SEC23B: variants seen among roughly 807,000 people sequenced by gnomAD.
The protein encoded by SEC23B is protein transport protein Sec23B.
A neutral mutation model predicts 104.3 loss-of-function variants in SEC23B; 77 were observed. The ratio of observed to expected loss-of-function variants is 0.74; its 90% CI spans 0.61 to 0.89. SEC23B has a LOEUF of 0.89. SEC23B is among the 40% of genes least tolerant of loss of function. SEC23B has a pLI of 0.00. For missense variants in SEC23B, 885 were observed against 949.4 expected (o/e 0.93, Z 0.89); for synonymous variants, 338 against 332.5 (o/e 1.02, Z -0.18).
At chr20:18,519,487 G>A (rs1190987679) in intron 4 of SEC23B, among the ~76,000 whole-genome samples, 1 of 152,214 alleles carries the variant, frequency 6.6e-6, no homozygotes, top group Non-Finnish European at 1.5e-5. Context: ...ACGGAGACAT[G>A]ATGGCCAGCC....
At chr20:18,542,010 GT>G (rs2060291581) in intron 12 of SEC23B, among the ~76,000 whole-genome samples, 6 of 152,072 alleles carry the variant, frequency 3.9e-5, no homozygotes, top group Non-Finnish European at 8.8e-5. Flanking sequence ...ATCCATCTTC[GT>G]TTTGCTGCAT....
Position 18,512,292 on chromosome 20 carries a change from T to C in SEC23B, c.279+10T>C. 1 of 1,528,964 alleles carries C rather than the reference T, an allele frequency of 6.5e-7. No homozygotes were observed. The highest frequency in any genetic ancestry group is 1.2e-5 in the South Asian group (1 of 86,400). 94.7% of individuals were successfully genotyped at this position (1,528,964 alleles called of 1,614,324 possible). On this transcript the variant is annotated intron_variant, in intron 3 of 19. Transcript: ENST00000650089. ...TTTTCAAAGAAATCAGGTATGTGAA[T>C]TATTTTTAAAAAATGTTATATGTTT...
Position 18,555,158 on chromosome 20 carries a change from G to A in SEC23B, c.2199G>A (p.Leu733=). The A allele has an allele frequency of 6.2e-7, 1 of 1,613,572 alleles. No homozygotes were observed. The highest frequency in any genetic ancestry group is 8.5e-7 in the Non-Finnish European group (1 of 1,179,560). ...ACCCATCTCAGACACACAATAACCT[G>A]TATGCTTGGGGACAGGTAAGAAATC... The part of the protein sequence containing the change: ...KVNPSQTHNN[L]YAWGQETGAP... Residue 733 remains leucine, a synonymous_variant, in exon 19 of 20, where the codon CTG becomes CTA. Transcript: ENST00000650089.
chr20:18,550,522 G>A (rs974610211), intron 16 of SEC23B, among the ~76,000 whole-genome samples: 2 of 152,106 alleles, frequency 1.3e-5, no homozygotes, highest in African/African-American at 2.4e-5. Flanking sequence ...ATAGGTATCC[G>A]TATTCTGTCT....
At chr20:18,515,556 T>G in intron 3 of SEC23B, 94 bp from the exon 4 acceptor site, 2 of 757,910 alleles carry the variant, frequency 2.6e-6, no homozygotes, top group Non-Finnish European at 4.7e-6. Context: ...CAAGTGTTCC[T>G]CTCGTCTTGG....
At position 18,560,667 on chromosome 20, in the gene SEC23B, T is replaced by C. The variant is rs2060484318; in HGVS notation, c.2231T>C (p.Ile744Thr). Residue 744 changes from isoleucine to threonine, a missense_variant, in exon 20 of 20, where the codon ATC becomes ACC. Physicochemically the swap from Ile to Thr is moderately conservative, Grantham distance 89. Coordinates refer to ENST00000650089, the MANE Select transcript of SEC23B (RefSeq NM_006363.6). Reference sequence around the variant, plus strand: ...ACATTTCAGGAAACTGGAGCACCCATCCTAACTGATGATGTTAGCCTGCAG... The same window carrying C: ...ACATTTCAGGAAACTGGAGCACCCACCCTAACTGATGATGTTAGCCTGCAG... ...YAWGQETGAP[I>T]LTDDVSLQVF... 1 of 1,613,736 alleles carries C rather than the reference T, an allele frequency of 6.2e-7. No individual in the cohort carries two copies. The highest frequency in any genetic ancestry group is 8.5e-7 in the Non-Finnish European group (1 of 1,179,768).
chr20:18,560,045 ATTAT>A (rs1186730432), intron 19 of SEC23B, among the ~76,000 whole-genome samples: 2 of 78,364 alleles, frequency 2.6e-5, no homozygotes, highest in Admixed American at 1.1e-4. Flanking sequence ...ACCTAGAATC[ATTAT>A]TTAAAGAGTT....
At chr20:18,549,717 C>CT (rs2060368366) in intron 16 of SEC23B, among the ~76,000 whole-genome samples, 1 of 152,116 alleles carries the variant, frequency 6.6e-6, no homozygotes, top group Admixed American at 6.6e-5. Flanking sequence ...TCGAGTACCA[C>CT]TTACTTTTAT....
At chr20:18,524,746 G>GGGCTACAGGCTCTTT in intron 5 of SEC23B, 77 bp downstream of exon 5, 1 of 1,346,700 alleles carries the variant, frequency 7.4e-7, no homozygotes, top group Non-Finnish European at 1.1e-6. Context: ...AAAAGAGCCT[G>GGGCTACAGGCTCTTT]TAGCCCAGGC....
intron 12 of SEC23B, among the ~76,000 whole-genome samples, chr20:18,537,607 G>A (rs892981833): frequency 2.6e-5 from 4 of 151,952 alleles, no homozygotes; most frequent in Non-Finnish European, 4.4e-5. Flanking sequence ...AAGGGGGGAG[G>A]AATAACATTA....
At chr20:18,527,262 C>T (rs764531753) in intron 8 of SEC23B, among the ~76,000 whole-genome samples, 23 of 152,148 alleles carry the variant, frequency 1.5e-4, no homozygotes, top group Non-Finnish European at 2.9e-4. Flanking sequence ...GGGATGGTGG[C>T]GCACGCTTTT....
intron 10 of SEC23B, among the ~76,000 whole-genome samples, chr20:18,531,414 T>C (rs1455827960): frequency 6.6e-6 from 1 of 152,082 alleles, no homozygotes; most frequent in Non-Finnish European, 1.5e-5. Context: ...CCCAGCACTT[T>C]GGCAGGCCGA....
intron 16 of SEC23B, among the ~76,000 whole-genome samples, chr20:18,550,816 C>T (rs999068366): frequency 8.7e-6 from 1 of 114,488 alleles, no homozygotes; most frequent in Non-Finnish European, 2.0e-5. Flanking sequence ...CAGAGCAACA[C>T]CCTGACTCTT....
At chr20:18,526,235 T>C in intron 7 of SEC23B, 138 bp from the exon 8 acceptor site, 2 of 980,532 alleles carry the variant, frequency 2.0e-6, no homozygotes, top group Non-Finnish European at 1.6e-6. Context: ...TGCATTATCA[T>C]CTGTATTATT....
In SEC23B at chr20:18,554,391, G is replaced by T; in HGVS notation, c.2148+1G>T. On this transcript the variant is annotated splice_donor_variant, in intron 18 of 19. Transcript: ENST00000650089. LOFTEE classifies it high-confidence loss of function. ...CAACACGGAGCATGGAGGCAGTCAG[G>T]TGAGTGAGCTGAGTTCTAACTCCAG... The T allele has an allele frequency of 6.2e-7, 1 of 1,614,212 alleles. No homozygotes were observed. Among genetic ancestry groups the T allele is most frequent in the Non-Finnish European group, 8.5e-7 (1 of 1,180,038 alleles).
At chr20:18,557,473 T>TA (rs1408288439) in intron 19 of SEC23B, among the ~76,000 whole-genome samples, 2 of 152,178 alleles carry the variant, frequency 1.3e-5, no homozygotes, top group Non-Finnish European at 2.9e-5. Flanking sequence ...ATGCATAACT[T>TA]ATCACAGTCT....
intron 15 of SEC23B, among the ~76,000 whole-genome samples, chr20:18,546,489 T>C (rs895612902): frequency 7.9e-5 from 12 of 152,170 alleles, no homozygotes; most frequent in Non-Finnish European, 5.9e-5. Context: ...TGAAAGTAAC[T>C]GCACTCTGCA....
At chr20:18,541,977 C>T (rs2060291331) in intron 12 of SEC23B, among the ~76,000 whole-genome samples, 1 of 152,192 alleles carries the variant, frequency 6.6e-6, no homozygotes, top group Non-Finnish European at 1.5e-5. Flanking sequence ...TCAGCAATAA[C>T]TCATCCAGTT....
intron 19 of SEC23B, among the ~76,000 whole-genome samples, chr20:18,557,745 C>CTTTTTTTTT (rs11477198): frequency 1.2e-3 from 139 of 116,742 alleles, no homozygotes; most frequent in Non-Finnish European, 1.6e-3. Context: ...TTTTTCTTTT[C>CTTTTTTTTT]TTTTTTTTTT....
Sources: gnomAD v4.1 joint callset for allele counts (sites outside exome capture counted in the v4.1 genomes callset) on GRCh38, gnomAD v4.1.1 for gene constraint, MANE v1.5 for transcripts, NCBI Gene and HGNC (gene_info 2026-07-23, HGNC 2026-07-21) for gene names.